Variants in C1QTNF12 observed in about 807,000 individuals in gnomAD.
C1QTNF12 encodes adipolin.
Under a neutral mutation model 34.3 loss-of-function variants are expected in C1QTNF12, and 39 were observed. The observed-to-expected ratio is 1.14, with a 90% CI of 0.88 to 1.49. The LOEUF (loss-of-function observed/expected upper bound fraction) is 1.49. C1QTNF12 is among the 40% of genes most tolerant of loss of function. The pLI, the probability that C1QTNF12 is intolerant of heterozygous loss-of-function variation, is 0.00. For synonymous variants in C1QTNF12, 220 were observed against 196.9 expected, an observed-to-expected ratio of 1.12 and a Z score of -0.98; for missense variants, 497 against 424.7, an observed-to-expected ratio of 1.17 and a Z score of -1.50.
chr1:1,243,308 C>T, intron 5 of C1QTNF12, 136 bp downstream of exon 5: 1 of 1,023,368 alleles, frequency 9.8e-7, no homozygotes, highest in Non-Finnish European at 1.4e-6. Flanking sequence ...GGACCCCATG[C>T]CCAGTCCAAG....
At position 1,242,619 on chromosome 1, in the gene C1QTNF12, C is replaced by G. The variant is rs767542685; in HGVS notation, c.838G>C (p.Asp280His). The G allele has an allele frequency of 6.3e-7, 1 of 1,595,892 alleles. No individual in the cohort carries two copies. Among genetic ancestry groups the G allele is most frequent in the Non-Finnish European group, 8.5e-7 (1 of 1,171,840 alleles). Residue 280 changes from aspartate (D) to histidine (H), a missense_variant, in exon 8 of 8, where the codon GAC (aspartate) becomes CAC (histidine). Physicochemically the swap from Asp to His is moderately conservative, Grantham distance 81. Transcript: ENST00000330388. The stretch of plus-strand genomic sequence containing the variant: ...GTGAGGACGGCCCCGGAGCCATTGT[C>G]CACAAACACAGAAGCGTACTGTCCA... ...QAGQYASVFV[D>H]NGSGAVLTIQ...
At chr1:1,243,238 C>A in intron 5 of C1QTNF12, 86 bp from the exon 6 acceptor site, 1 of 1,117,928 alleles carries the variant, frequency 8.9e-7, no homozygotes, top group South Asian at 1.5e-5. Context: ...CATCCCAGGA[C>A]AGGCCCAGGA....
intron 5 of C1QTNF12, 25 bp downstream of exon 5, chr1:1,243,419 C>T (rs375288834): frequency 1.9e-5 from 29 of 1,540,332 alleles, no homozygotes; most frequent in Non-Finnish European, 2.5e-5. Context: ...CGTCACAGCA[C>T]ACGGCACTGC....
chr1:1,243,301 C>T, intron 5 of C1QTNF12, 143 bp downstream of exon 5: 1 of 998,052 alleles, frequency 1.0e-6, no homozygotes, highest in East Asian at 2.6e-5. Flanking sequence ...GCAGCAGGGA[C>T]CCCATGCCCA....
rs747718076 is a variant in C1QTNF12, at chr1:1,243,109, G to A, written c.684C>T (p.Asp228=). ...CAATACAGATGAGAACACACACCAC[G>A]TCCCGGGCCCGCAGCCGGGCCTTGC... The part of the protein sequence containing the change: ...LQGKARLRAR[D]VVCVLICIES... The change falls in exon 6 of 8, where the codon GAC becomes GAT. Residue 228 remains aspartate (D), a synonymous_variant. Coordinates refer to ENST00000330388, the MANE Select transcript of C1QTNF12 (RefSeq NM_001014980.3). The A allele has an allele frequency of 3.1e-5, 50 of 1,589,010 alleles. No homozygotes were observed. Among genetic ancestry groups the A allele is most frequent in the South Asian group, 1.9e-4 (17 of 87,654 alleles).
chr1:1,244,113 G>A lies in C1QTNF12; in HGVS notation c.380-8C>T, dbSNP rs780737968. The A allele has an allele frequency of 1.9e-6, 3 of 1,573,134 alleles. No homozygotes were observed. The highest frequency in any genetic ancestry group is 2.6e-6 in the Non-Finnish European group (3 of 1,159,492). On this transcript the variant is annotated splice_polypyrimidine_tract_variant and splice_region_variant and intron_variant, in intron 3 of 7. Transcript: ENST00000330388. ...ACCGGCGCTCCGTGGCCTCTGTGGG[G>A]AGGAGGGCACAGGCGGCCAGCAGGG...
chr1:1,246,072 A>G lies in C1QTNF12; in HGVS notation c.177+442T>C, dbSNP rs1249652684. Among the ~76,000 whole-genome samples, 1 of 152,074 alleles carries G rather than the reference A, an allele frequency of 6.6e-6. No homozygotes were observed. Among genetic ancestry groups the G allele is most frequent in the Non-Finnish European group, 1.5e-5 (1 of 67,976 alleles). On this transcript the variant is annotated intron_variant, in intron 1 of 7. Coordinates refer to ENST00000330388, the MANE Select transcript of C1QTNF12 (RefSeq NM_001014980.3). This position sits in a 1 kb window ranked among gnomAD's most constrained non-coding sequence, Gnocchi z 4.5. Reference sequence around the variant, plus strand: ...AGGACCCCCAGAAAGCACAAGGGACAGGCTCGCCATGGCGTCTCCAGCCGC... The same window carrying G: ...AGGACCCCCAGAAAGCACAAGGGACGGGCTCGCCATGGCGTCTCCAGCCGC...
At chr1:1,243,368 C>G in intron 5 of C1QTNF12, 76 bp downstream of exon 5, 1 of 1,370,712 alleles carries the variant, frequency 7.3e-7, no homozygotes. Context: ...GCACCCGGGG[C>G]CGGCGATGCC....
At chr1:1,244,665 C>T (rs1239079368) in intron 1 of C1QTNF12, 168 bp from the exon 2 acceptor site, 6 of 615,080 alleles carry the variant, frequency 9.8e-6, no homozygotes, top group Non-Finnish European at 1.5e-5. Flanking sequence ...CCAATGCCAC[C>T]AGCAGGGCAG....
intron 6 of C1QTNF12, 57 bp downstream of exon 6, chr1:1,243,005 G>A: frequency 1.3e-6 from 2 of 1,554,490 alleles, no homozygotes; most frequent in Non-Finnish European, 8.7e-7. Context: ...TGGCCTGTGA[G>A]CCCCTCCAAG....
rs1380115114 is a variant in C1QTNF12 at position 1,243,446 on chromosome 1, A to C, written c.638T>G (p.Val213Gly). The stretch of plus-strand genomic sequence containing the variant: ...CGGCACTGCCCCATCCGGCTCACCC[A>C]CGTGCAGACTGGCAGAGAACTGGAA... Reference protein sequence around the residue: ...GIFQFSASLHVDHSELQGKAR... With the variant: ...GIFQFSASLHGDHSELQGKAR... Residue 213 changes from valine (V) to glycine (G), a missense_variant and splice_region_variant, in exon 5 of 8, where the codon GTG (valine) becomes GGG (glycine). Coordinates refer to ENST00000330388, the MANE Select transcript of C1QTNF12 (RefSeq NM_001014980.3). 6.4e-7 allele frequency: 1 copy of C among 1,553,424 alleles called. No individual in the cohort carries two copies. The highest frequency in any genetic ancestry group is 1.9e-5 in the Admixed American group (1 of 51,704).
At position 1,243,068 on chromosome 1, in the gene C1QTNF12, C is replaced by A; in HGVS notation, c.725G>T (p.Arg242Leu). The A allele has an allele frequency of 6.3e-7, 1 of 1,581,308 alleles. No individual in the cohort carries two copies. The highest frequency in any genetic ancestry group is 1.2e-5 in the South Asian group (1 of 86,862). ...GGGGGCTGAGGTCACTCACGTGTGG[C>A]GCTGGCACAGGGACTCAATACAGAT... ...VLICIESLCQRHTCLEAVSGL... is the reference protein window; with the variant it reads ...VLICIESLCQLHTCLEAVSGL... Residue 242 changes from arginine to leucine, a missense_variant, in exon 6 of 8, where the codon CGC (arginine) becomes CTC (leucine). Transcript: ENST00000330388.
intron 1 of C1QTNF12, among the ~76,000 whole-genome samples, chr1:1,245,328 C>T (rs1638866450): frequency 8.9e-6 from 1 of 111,922 alleles, no homozygotes; most frequent in Admixed American, 9.5e-5. Context: ...GTCCTGTTGA[C>T]CACCACCGCA....
chr1:1,243,711 C>T (rs1367274766), intron 4 of C1QTNF12, among the ~76,000 whole-genome samples, 159 bp from the exon 5 acceptor site: 1 of 152,128 alleles, frequency 6.6e-6, no homozygotes, highest in Non-Finnish European at 1.5e-5. Context: ...ACCCTCGAGT[C>T]CACACCCAGG....
intron 1 of C1QTNF12, among the ~76,000 whole-genome samples, chr1:1,245,367 G>A (rs895206148): frequency 7.1e-6 from 1 of 141,676 alleles, no homozygotes; most frequent in Non-Finnish European, 1.5e-5. Context: ...GCGCCCTGGA[G>A]GGGCCTGTAC....
chr1:1,243,024 G>A (rs754469242), intron 6 of C1QTNF12, 38 bp downstream of exon 6: 163 of 1,553,256 alleles, frequency 1.0e-4, no homozygotes, highest in Non-Finnish European at 1.3e-4. Context: ...AGGGTGGTCC[G>A]GGGGCTGCCG....
At chr1:1,242,699 G>A in intron 7 of C1QTNF12, 53 bp from the exon 8 acceptor site, 1 of 1,560,356 alleles carries the variant, frequency 6.4e-7, no homozygotes, top group South Asian at 1.2e-5. Flanking sequence ...GCCACTCGGT[G>A]GCCAACGTCT....
In C1QTNF12 at chr1:1,244,103, C is replaced by T; in HGVS notation, c.382G>A (p.Ala128Thr). 1 of 1,578,884 alleles carries T rather than the reference C, an allele frequency of 6.3e-7. No homozygotes were observed. The highest frequency in any genetic ancestry group is 8.6e-7 in the Non-Finnish European group (1 of 1,162,594). ...LHEFQELLKE[A>T]TERRFSGLLD... ...AGCCCTGAGAACCGGCGCTCCGTGG[C>T]CTCTGTGGGGAGGAGGGCACAGGCG... The change falls in exon 4 of 8, where the codon GCC (alanine) becomes ACC (threonine). Residue 128 changes from alanine (A) to threonine (T), a missense_variant and splice_region_variant. Ala to Thr is a moderately conservative substitution (Grantham distance 58). Transcript: ENST00000330388.
chr1:1,246,652 G>A lies in C1QTNF12; in HGVS notation c.39C>T (p.Leu13=), dbSNP rs556732324. 20 of 1,232,418 alleles carry A rather than the reference G, an allele frequency of 1.6e-5. No individual in the cohort carries two copies. The East Asian group carries it at 6.0e-4, about 37-fold the overall frequency. The allele number at this position is 1,232,418 out of a possible 1,614,324, so 76.3% of individuals were successfully genotyped here. ...CCCCGAGGAGCACGAGCTGCGGCCC[G>A]AGGAGGACCACGACCGCGGCCCAGG... The part of the protein sequence containing the change: ...RWAWAAVVVL[L]GPQLVLLGGV... The change falls in exon 1 of 8, where the codon CTC becomes CTT. Residue 13 remains leucine, a synonymous_variant. Transcript: ENST00000330388. This position sits in a 1 kb window ranked among gnomAD's most constrained non-coding sequence, Gnocchi z 4.5.
Sources: gnomAD v4.1 joint callset for allele counts (sites outside exome capture counted in the v4.1 genomes callset) on GRCh38, gnomAD v4.1.1 for gene constraint, Gnocchi (gnomAD v3.1) non-coding constraint, MANE v1.5 for transcripts, NCBI Gene and HGNC (gene_info 2026-07-23, HGNC 2026-07-21) for gene names.